Variants in SLC29A4 observed in about 807,000 individuals in gnomAD.
The protein encoded by SLC29A4 is solute carrier family 29 member 4.
A neutral mutation model predicts 43.9 loss-of-function variants in SLC29A4; 36 were observed. That is an observed-to-expected ratio of 0.82 (90% confidence interval 0.63 to 1.08). The LOEUF (loss-of-function observed/expected upper bound fraction) is 1.08, where lower values mean the gene tolerates loss of function less well. SLC29A4 is among the 50% of genes least tolerant of loss of function. The pLI, the probability that SLC29A4 is intolerant of heterozygous loss-of-function variation, is 0.00. For missense variants in SLC29A4, 869 were observed against 755.3 expected (o/e 1.15, Z -1.77); for synonymous variants, 491 against 338.0 (o/e 1.45, Z -4.97).
chr7:5,299,471 G>A (rs1045260452), intron 9 of SLC29A4, 44 bp downstream of exon 9: 4 of 1,582,166 alleles, frequency 2.5e-6, no homozygotes, highest in African/African-American at 2.7e-5. Context: ...GCCATGGGGT[G>A]GGGGTGACAA....
chr7:5,300,696 C>G, intron 10 of SLC29A4, 34 bp downstream of exon 10: 1 of 1,596,264 alleles, frequency 6.3e-7, no homozygotes, highest in African/African-American at 1.3e-5. Context: ...TGGGGGCGTC[C>G]TCCCAGCAGC....
At chr7:5,300,688 G>A (rs1270564915) in intron 10 of SLC29A4, 26 bp downstream of exon 10, 4 of 1,599,644 alleles carry the variant, frequency 2.5e-6, no homozygotes, top group Non-Finnish European at 3.4e-6. Context: ...CGTGGGGGTG[G>A]GGGCGTCCTC....
chr7:5,300,387 C>T (rs772729209), intron 9 of SLC29A4, 35 bp from the exon 10 acceptor site: 24 of 1,609,146 alleles, frequency 1.5e-5, no homozygotes, highest in African/African-American at 9.4e-5. Flanking sequence ...GGGCTGTGGC[C>T]GGGACAGGGC....
chr7:5,297,327 A>C, intron 7 of SLC29A4, 129 bp downstream of exon 7: 14 of 1,062,522 alleles, frequency 1.3e-5, no homozygotes, highest in South Asian at 5.7e-5. Flanking sequence ...TGTGGTGGAG[A>C]CTCCTTCCTG....
chr7:5,296,820 G>T, intron 6 of SLC29A4, 116 bp from the exon 7 acceptor site: 2 of 1,211,204 alleles, frequency 1.7e-6, no homozygotes, highest in Non-Finnish European at 2.2e-6. Flanking sequence ...GGCAGGGCCT[G>T]TGGTGGAGGG....
intron 10 of SLC29A4, 103 bp downstream of exon 10, chr7:5,300,765 C>A (rs568366439): frequency 1.4e-6 from 2 of 1,464,276 alleles, no homozygotes; most frequent in Admixed American, 2.6e-5. Flanking sequence ...ATTTGGGTTC[C>A]GGGGGTTCAG....
intron 10 of SLC29A4, among the ~76,000 whole-genome samples, chr7:5,301,781 G>C (rs1786183861): frequency 6.6e-6 from 1 of 152,104 alleles, no homozygotes; most frequent in Non-Finnish European, 1.5e-5. Flanking sequence ...GGGGGCTCCA[G>C]GTTTGGGGTC....
rs562099488 is a variant in SLC29A4 at position 5,286,438 on chromosome 7, G to A, written c.-8-1371G>A. Reference sequence around the variant, plus strand: ...CTCGGGAGGCTGAGGCAGAAGAATCGCTGGAACCCAGGAGACGGAGGTTGC... The same window carrying A: ...CTCGGGAGGCTGAGGCAGAAGAATCACTGGAACCCAGGAGACGGAGGTTGC... On this transcript the variant is annotated intron_variant, in intron 1 of 10. Transcript: ENST00000396872. Among the ~76,000 whole-genome samples the A allele has an allele frequency of 2.6e-5, 4 of 151,334 alleles. No individual in the cohort carries two copies. The South Asian group carries it at 8.4e-4, about 32-fold the overall frequency.
chr7:5,293,720 C>G (rs1253881157), intron 5 of SLC29A4, among the ~76,000 whole-genome samples: 1 of 152,162 alleles, frequency 6.6e-6, no homozygotes, highest in African/African-American at 2.4e-5. Flanking sequence ...TCATGGTTCA[C>G]TGCAGCCTCA....
At chr7:5,294,955 C>T (rs761135792) in intron 6 of SLC29A4, 21 bp downstream of exon 6, 21 of 1,591,662 alleles carry the variant, frequency 1.3e-5, no homozygotes, top group East Asian at 4.6e-5. Context: ...GCAGACCCCC[C>T]GGGGAGGGGG....
At chr7:5,301,919 C>G (rs1156405424) in intron 10 of SLC29A4, among the ~76,000 whole-genome samples, 1 of 152,080 alleles carries the variant, frequency 6.6e-6, no homozygotes, top group Non-Finnish European at 1.5e-5. Flanking sequence ...CAAATTGTTC[C>G]TGATAGGGAG....
In SLC29A4 at chr7:5,300,293, A is replaced by AG. The variant is rs573538510; in HGVS notation, c.1210-125dup. The AG allele has an allele frequency of 1.5e-3, 2,088 of 1,372,258 alleles. 13 individuals are homozygous for AG. The highest frequency in any genetic ancestry group is 1.3e-3 in the Middle Eastern group (5 of 3,898). The allele number at this position is 1,372,258 out of a possible 1,614,324, so 85.0% of individuals were successfully genotyped here. On this transcript the variant is annotated intron_variant, in intron 9 of 10. Transcript: ENST00000396872. The stretch of plus-strand genomic sequence containing the variant: ...TTAGAGGGGTGATCCGGAGAAGGGC[A>AG]GGGGTGCAGGCTGAGCTGGACAGGC...
chr7:5,295,091 G>T (rs1351578245), intron 6 of SLC29A4, among the ~76,000 whole-genome samples, 157 bp downstream of exon 6: 3 of 152,092 alleles, frequency 2.0e-5, no homozygotes, highest in Non-Finnish European at 4.4e-5. Context: ...ATCTTTCCTG[G>T]CCTGGCTGGG....
At chr7:5,298,483 A>AT (rs1048658458) in intron 7 of SLC29A4, among the ~76,000 whole-genome samples, 1 of 151,994 alleles carries the variant, frequency 6.6e-6, no homozygotes, top group Non-Finnish European at 1.5e-5. Flanking sequence ...ATGAGATGGA[A>AT]TTTGCTGCAT....
At position 5,299,248 on chromosome 7, in the gene SLC29A4, C is replaced by T. The variant is rs138477882; in HGVS notation, c.1030C>T (p.Leu344=). 2 of 1,611,742 alleles carry T rather than the reference C, an allele frequency of 1.2e-6. No individual in the cohort carries two copies. The highest frequency in any genetic ancestry group is 1.7e-5 in the Admixed American group (1 of 59,990). ...RSWPTFRALL[L]HRYVVARVIW... is the part of the protein sequence containing the mutation. ...CGCCCGCCACCCTCCAGCCCTGTTA[C>T]TGCACCGCTACGTGGTGGCGCGGGT... Residue 344 remains leucine, a synonymous_variant, in exon 9 of 11, where the codon CTG becomes TTG. Transcript: ENST00000396872.
intron 5 of SLC29A4, among the ~76,000 whole-genome samples, chr7:5,293,839 G>A (rs1248313348): frequency 6.6e-6 from 1 of 152,104 alleles, no homozygotes; most frequent in Non-Finnish European, 1.5e-5. Flanking sequence ...ATGCATGGTG[G>A]CTCATGCTTG....
intron 9 of SLC29A4, 128 bp from the exon 10 acceptor site, chr7:5,300,294 G>C: frequency 7.2e-7 from 1 of 1,393,960 alleles, no homozygotes; most frequent in Non-Finnish European, 9.8e-7. Flanking sequence ...GAGAAGGGCA[G>C]GGGTGCAGGC....
intron 5 of SLC29A4, among the ~76,000 whole-genome samples, chr7:5,292,556 C>T (rs2128088586): frequency 6.6e-6 from 1 of 152,212 alleles, no homozygotes; most frequent in African/African-American, 2.4e-5. Flanking sequence ...TTAAATTTCT[C>T]CCTAAGTATA....
rs1185863899 is a variant in SLC29A4 at position 5,303,366 on chromosome 7, C to T, written c.*427C>T. The T allele has an allele frequency of 9.2e-6, 2 of 217,540 alleles. No individual in the cohort carries two copies. The highest frequency in any genetic ancestry group is 7.0e-5 in the South Asian group (1 of 14,260). The allele number at this position is 217,540 out of a possible 1,614,324, so 13.5% of individuals were successfully genotyped here. On this transcript the variant is annotated 3_prime_UTR_variant, in exon 11 of 11. Coordinates refer to ENST00000396872, the MANE Select transcript of SLC29A4 (RefSeq NM_153247.4). The stretch of plus-strand genomic sequence containing the variant: ...GCACTGATCGGGGCACCGCCTGGCC[C>T]AGCCTCCACCAGGGACCCCTCCTCA...
Sources: allele counts gnomAD v4.1 joint callset (sites outside exome capture counted in the v4.1 genomes callset), GRCh38; gene constraint gnomAD v4.1.1; transcripts MANE v1.5; gene names NCBI Gene and HGNC (gene_info 2026-07-23, HGNC 2026-07-21).